The following CHCHD6 variants were observed in gnomAD, a reference collection of about 807,000 sequenced individuals.
CHCHD6 encodes coiled-coil-helix-coiled-coil-helix domain containing 6.
In CHCHD6, 28 loss-of-function variants were observed where a neutral mutation model predicts 32.3. The observed-to-expected ratio is 0.87, with a 90% confidence interval of 0.64 to 1.19. The LOEUF (loss-of-function observed/expected upper bound fraction) is 1.19. Ranked by LOEUF, CHCHD6 falls within the 50% of genes most tolerant of loss-of-function variation. The pLI, the probability that CHCHD6 is intolerant of heterozygous loss-of-function variation, is 0.00. For synonymous variants in CHCHD6, 122 were observed against 117.5 expected, an observed-to-expected ratio of 1.04 and a Z score of -0.25; for missense variants, 333 against 307.0, an observed-to-expected ratio of 1.08 and a Z score of -0.63.
chr3:126,844,290 T>C (rs1354136933), intron 4 of CHCHD6, among the ~76,000 whole-genome samples: 1 of 152,236 alleles, frequency 6.6e-6, no homozygotes, highest in Non-Finnish European at 1.5e-5. Flanking sequence ...GTCTACTTGT[T>C]CTATCAATAT....
chr3:126,959,404 C>G (rs1363314449), intron 7 of CHCHD6, among the ~76,000 whole-genome samples: 1 of 152,254 alleles, frequency 6.6e-6, no homozygotes, highest in Non-Finnish European at 1.5e-5. Flanking sequence ...CACCCAGGCA[C>G]TTGGGTGGTG....
intron 6 of CHCHD6, among the ~76,000 whole-genome samples, chr3:126,952,837 C>G (rs1189109335): frequency 6.6e-6 from 1 of 152,168 alleles, no homozygotes; most frequent in Non-Finnish European, 1.5e-5. Flanking sequence ...GGCCTCTGGA[C>G]TCTGCTGTGT....
At chr3:126,863,742 C>T (rs1360684750) in intron 5 of CHCHD6, among the ~76,000 whole-genome samples, 5 of 150,408 alleles carry the variant, frequency 3.3e-5, no homozygotes, top group Non-Finnish European at 7.4e-5. Context: ...CCTCCATCAC[C>T]ACCTCCTCTT....
At chr3:126,888,035 G>A (rs1030141868) in intron 5 of CHCHD6, among the ~76,000 whole-genome samples, 2 of 151,942 alleles carry the variant, frequency 1.3e-5, no homozygotes, top group Non-Finnish European at 1.5e-5. Flanking sequence ...ATATGTGAGC[G>A]GGGGGCTGCT....
chr3:126,729,347 A>G (rs924776397), intron 2 of CHCHD6, among the ~76,000 whole-genome samples: 2 of 152,208 alleles, frequency 1.3e-5, no homozygotes, highest in Non-Finnish European at 2.9e-5. Context: ...TAATACTGAA[A>G]GAAACACATG....
intron 4 of CHCHD6, among the ~76,000 whole-genome samples, chr3:126,743,149 T>G (rs930689020): frequency 2.0e-5 from 3 of 152,184 alleles, no homozygotes; most frequent in Non-Finnish European, 4.4e-5. Context: ...TGTTACTCTG[T>G]GGACTGCTCA....
At chr3:126,799,508 A>G (rs979736085) in intron 4 of CHCHD6, among the ~76,000 whole-genome samples, 1 of 152,204 alleles carries the variant, frequency 6.6e-6, no homozygotes, top group African/African-American at 2.4e-5. Context: ...TAGAAAACAA[A>G]CAGGACGTGA....
At chr3:126,766,754 GGGAGGTGTTGGT>G in intron 4 of CHCHD6, 1 of 1,140,272 alleles carries the variant, frequency 8.8e-7, no homozygotes, top group Non-Finnish European at 1.3e-6. Flanking sequence ...GTAGATTCAC[GGGAGGTGTTGGT>G]GGCCCCCTGG....
At chr3:126,821,665 A>G (rs557193093) in intron 4 of CHCHD6, among the ~76,000 whole-genome samples, 1 of 152,292 alleles carries the variant, frequency 6.6e-6, no homozygotes, top group Admixed American at 6.5e-5. Context: ...TGACGGTTCC[A>G]GTTTCCCACA....
At chr3:126,801,505 G>A (rs1031594646) in intron 4 of CHCHD6, among the ~76,000 whole-genome samples, 1 of 152,222 alleles carries the variant, frequency 6.6e-6, no homozygotes, top group Admixed American at 6.5e-5. Context: ...AGCGAAGCTA[G>A]GGGAGGGGCA....
intron 5 of CHCHD6, among the ~76,000 whole-genome samples, chr3:126,909,480 G>A (rs1350789790): frequency 6.6e-6 from 1 of 152,202 alleles, no homozygotes; most frequent in East Asian, 1.9e-4. Context: ...CAGGCCCTTG[G>A]AGAAATCAGA....
chr3:126,735,265 C>G (rs1935993817), intron 4 of CHCHD6, among the ~76,000 whole-genome samples: 1 of 152,184 alleles, frequency 6.6e-6, no homozygotes, highest in Non-Finnish European at 1.5e-5. Context: ...GCTTCCCATT[C>G]TTACTCCTGC....
chr3:126,863,531 C>A (rs1347353506), intron 5 of CHCHD6, among the ~76,000 whole-genome samples: 7 of 136,818 alleles, frequency 5.1e-5, no homozygotes, highest in Non-Finnish European at 1.1e-4. Context: ...ACCATCACCA[C>A]CTCCTCCTCC....
At chr3:126,813,576 A>G (rs576538877) in intron 4 of CHCHD6, among the ~76,000 whole-genome samples, 2 of 152,300 alleles carry the variant, frequency 1.3e-5, no homozygotes, top group African/African-American at 4.8e-5. Context: ...CACAAACACA[A>G]TTTGAGAAAG....
intron 4 of CHCHD6, among the ~76,000 whole-genome samples, chr3:126,842,449 C>T (rs530666221): frequency 6.6e-6 from 1 of 152,316 alleles, no homozygotes; most frequent in South Asian, 2.1e-4. Context: ...ATGATTTTTA[C>T]ATTGTCAAAG....
At chr3:126,731,344 G>A (rs1210676512) in intron 3 of CHCHD6, among the ~76,000 whole-genome samples, 1 of 152,026 alleles carries the variant, frequency 6.6e-6, no homozygotes, top group African/African-American at 2.4e-5. Context: ...GCTTCCTGTC[G>A]CCGGAGAAGT....
At chr3:126,724,835 TTCTTTCC>T (rs1453680996) in intron 1 of CHCHD6, among the ~76,000 whole-genome samples, 1 of 152,204 alleles carries the variant, frequency 6.6e-6, no homozygotes, top group African/African-American at 2.4e-5. Context: ...AGAAACCACT[TTCTTTCC>T]TCATCCATAA....
chr3:126,719,875 A>T (rs372013488), intron 1 of CHCHD6, among the ~76,000 whole-genome samples: 33 of 149,720 alleles, frequency 2.2e-4, no homozygotes, highest in African/African-American at 8.1e-4. Context: ...GCACTATCAG[A>T]GTCTTCTTTT....
intron 4 of CHCHD6, among the ~76,000 whole-genome samples, chr3:126,831,172 C>T (rs1183410024): frequency 2.6e-5 from 4 of 152,218 alleles, no homozygotes; most frequent in Admixed American, 6.5e-5. Context: ...TACAGGTGCC[C>T]GCCACCATGC....
Sources: gnomAD v4.1 joint callset for allele counts (sites outside exome capture counted in the v4.1 genomes callset) on GRCh38, gnomAD v4.1.1 for gene constraint, MANE v1.5 for transcripts, NCBI Gene and HGNC (gene_info 2026-07-23, HGNC 2026-07-21) for gene names.